CDH4: variants seen among roughly 807,000 people sequenced by gnomAD.
CDH4 encodes cadherin 4, also known as cadherin-4.
In CDH4, 33 loss-of-function variants were observed where a neutral mutation model predicts 86.0. That is an observed-to-expected ratio of 0.38 (90% CI 0.29 to 0.51). CDH4 has a LOEUF of 0.51. CDH4 is among the 20% of genes least tolerant of loss of function. The pLI is 0.86. For missense variants in CDH4, 1,114 were observed against 1,307.4 expected (o/e 0.85, Z 2.28); for synonymous variants, 555 against 549.4 (o/e 1.01, Z -0.14).
At chr20:61,844,031 T>C (rs1376256741) in intron 4 of CDH4, among the ~76,000 whole-genome samples, 1 of 152,206 alleles carries the variant, frequency 6.6e-6, no homozygotes, top group Non-Finnish European at 1.5e-5. Context: ...TTGTTTTTAA[T>C]GCTACCAGTG....
chr20:61,595,969 C>T (rs1377725167), intron 2 of CDH4, among the ~76,000 whole-genome samples: 2 of 152,186 alleles, frequency 1.3e-5, no homozygotes, highest in South Asian at 2.1e-4. Context: ...AGGGGCCACT[C>T]GCTCTCAGCT....
chr20:61,921,123 G>A (rs1298224724), intron 9 of CDH4, among the ~76,000 whole-genome samples: 3 of 150,520 alleles, frequency 2.0e-5, no homozygotes, highest in Non-Finnish European at 3.0e-5. Flanking sequence ...GTGGTGTCAC[G>A]GTGATTGTGT....
intron 2 of CDH4, among the ~76,000 whole-genome samples, chr20:61,339,288 G>A (rs2084636705): frequency 6.6e-6 from 1 of 152,202 alleles, no homozygotes; most frequent in African/African-American, 2.4e-5. Context: ...GGACTGGGAT[G>A]GAAGACAATG....
intron 2 of CDH4, among the ~76,000 whole-genome samples, chr20:61,536,589 G>A (rs1466909731): frequency 1.3e-5 from 2 of 152,088 alleles, no homozygotes; most frequent in South Asian, 2.1e-4. Context: ...ACACTAATAC[G>A]GTAGAGGAAA....
chr20:61,610,188 T>G (rs771472377), intron 2 of CDH4, among the ~76,000 whole-genome samples: 4 of 152,180 alleles, frequency 2.6e-5, no homozygotes, highest in African/African-American at 7.2e-5. Context: ...ACATTCACCA[T>G]TCTACCCTCT....
intron 2 of CDH4, among the ~76,000 whole-genome samples, chr20:61,524,577 T>C (rs147937924): frequency 0.021 from 3,267 of 152,096 alleles, 120 homozygotes; most frequent in African/African-American, 0.074. Flanking sequence ...CTCAACCTCC[T>C]GGTCTCAGGT....
At chr20:61,679,167 G>A (rs954950543) in intron 2 of CDH4, among the ~76,000 whole-genome samples, 1 of 152,174 alleles carries the variant, frequency 6.6e-6, no homozygotes, top group Non-Finnish European at 1.5e-5. Context: ...GCATGGCCTG[G>A]TGTTTGCAGT....
intron 7 of CDH4, among the ~76,000 whole-genome samples, chr20:61,876,722 T>G (rs1984042100): frequency 6.6e-6 from 1 of 152,148 alleles, no homozygotes; most frequent in Non-Finnish European, 1.5e-5. Context: ...TCCCTCTGGT[T>G]TCCAGTGGGG....
intron 2 of CDH4, among the ~76,000 whole-genome samples, chr20:61,428,611 C>A (rs528647478): frequency 6.6e-6 from 1 of 152,158 alleles, no homozygotes; most frequent in East Asian, 1.9e-4. Flanking sequence ...CTTTACCACG[C>A]GGACCACAGG....
At chr20:61,399,935 C>T (rs2085040626) in intron 2 of CDH4, among the ~76,000 whole-genome samples, 1 of 152,192 alleles carries the variant, frequency 6.6e-6, no homozygotes, top group Admixed American at 6.5e-5. Context: ...CAACCAACCC[C>T]CTGGACAGCT....
At chr20:61,551,659 T>C (rs1420917797) in intron 2 of CDH4, among the ~76,000 whole-genome samples, 1 of 152,344 alleles carries the variant, frequency 6.6e-6, no homozygotes, top group East Asian at 1.9e-4. Flanking sequence ...CATTCCCATC[T>C]GCACAATAGT....
chr20:61,901,834 C>G (rs1051433485), intron 8 of CDH4, among the ~76,000 whole-genome samples: 1 of 152,172 alleles, frequency 6.6e-6, no homozygotes, highest in South Asian at 2.1e-4. Flanking sequence ...AGACCTGCTC[C>G]GTGGGAAGAG....
rs2085771208 is a variant in CDH4, at chr20:61,510,417, T to C, written c.170-233146T>C. On this transcript the variant is annotated intron_variant, in intron 2 of 15. Coordinates refer to ENST00000614565, the MANE Select transcript of CDH4 (RefSeq NM_001794.5). This position sits in a 1 kb window ranked among gnomAD's most constrained non-coding sequence, Gnocchi z 4.2. The stretch of plus-strand genomic sequence containing the variant: ...AGCTGGAGTTGGCCAGCCCCTGCCT[T>C]AGCCTCTGTCAAAGAGCTGGAAGGA... 6.6e-6 allele frequency among the ~76,000 whole-genome samples: 1 copy of C among 152,220 alleles called. No individual in the cohort carries two copies. Among genetic ancestry groups the C allele is most frequent in the South Asian group, 2.1e-4 (1 of 4,830 alleles).
intron 2 of CDH4, among the ~76,000 whole-genome samples, chr20:61,298,992 T>C (rs972483431): frequency 4.6e-5 from 7 of 152,112 alleles, no homozygotes; most frequent in Admixed American, 2.6e-4. Context: ...TCACTGAGCA[T>C]TATGGGTTGA....
Position 61,747,305 on chromosome 20 carries a change from G to A in CDH4, c.396+3516G>A, listed in dbSNP as rs540329770. Among the ~76,000 whole-genome samples, 8 of 152,108 alleles carry A rather than the reference G, an allele frequency of 5.3e-5. No individual in the cohort carries two copies. The South Asian group carries it at 6.2e-4, about 12-fold the overall frequency. On this transcript the variant is annotated intron_variant, in intron 3 of 15. Coordinates refer to ENST00000614565, the MANE Select transcript of CDH4 (RefSeq NM_001794.5). ...AATACAAACAAAAATAAAATTAGCCGGGCGTAGTGGCAGGTGCCTATAGTC... is the reference window on the plus strand; with the variant it reads ...AATACAAACAAAAATAAAATTAGCCAGGCGTAGTGGCAGGTGCCTATAGTC...
chr20:61,667,927 G>T lies in CDH4; in HGVS notation c.170-75636G>T, dbSNP rs6061717. On this transcript the variant is annotated intron_variant, in intron 2 of 15. Transcript: ENST00000614565. ...ACCAAGTCTGAGGCTGCCAAATGTC[G>T]CATGTGGCTGTCAGGAGGGCAGCCA... is the stretch of plus-strand genomic sequence containing the variant. Among the ~76,000 whole-genome samples, 462 of 152,336 alleles carry T rather than the reference G, an allele frequency of 3.0e-3. 3 individuals are homozygous for T. Among genetic ancestry groups the T allele is most frequent in the African/African-American group, 0.011 (438 of 41,578 alleles).
intron 2 of CDH4, among the ~76,000 whole-genome samples, chr20:61,329,480 G>GCATGCGTGGAGGGCACCCAGATCCTCA (rs1568800111): frequency 2.1e-5 from 3 of 140,718 alleles, no homozygotes; most frequent in African/African-American, 2.6e-5. Context: ...GTGGCTGTGA[G>GCATGCGTGGAGGGCACCCAGATCCTCA]TGGCTCTTCT....
At chr20:61,798,368 A>G (rs1362700402) in intron 4 of CDH4, among the ~76,000 whole-genome samples, 2 of 151,994 alleles carry the variant, frequency 1.3e-5, no homozygotes, top group African/African-American at 2.4e-5. Context: ...CTCCTCACAT[A>G]CAGAATGGGC....
chr20:61,310,492 C>T (rs760463466), intron 2 of CDH4, among the ~76,000 whole-genome samples: 4 of 152,116 alleles, frequency 2.6e-5, no homozygotes, highest in East Asian at 3.9e-4. Flanking sequence ...CCCTCCCATG[C>T]GCGGTTCACA....
Sources: gnomAD v4.1 joint callset for allele counts (sites outside exome capture counted in the v4.1 genomes callset) on GRCh38, gnomAD v4.1.1 for gene constraint, Gnocchi (gnomAD v3.1) non-coding constraint, MANE v1.5 for transcripts, NCBI Gene and HGNC (gene_info 2026-07-23, HGNC 2026-07-21) for gene names.